Variants in C1QTNF3 observed in about 807,000 individuals in gnomAD.
C1QTNF3 encodes C1q and TNF related 3, also known as complement C1q tumor necrosis factor-related protein 3.
Under a neutral mutation model 32.6 loss-of-function variants are expected in C1QTNF3, and 26 were observed. The observed-to-expected ratio is 0.80, with a 90% CI of 0.58 to 1.11. C1QTNF3 has a LOEUF of 1.11. C1QTNF3 is among the 50% of genes least tolerant of loss of function. C1QTNF3 has a pLI of 0.00. For missense variants in C1QTNF3, 362 were observed against 398.2 expected, an observed-to-expected ratio of 0.91 and a Z score of 0.77; for synonymous variants, 155 against 146.0, an observed-to-expected ratio of 1.06 and a Z score of -0.44.
the C1QTNF3 span, among the ~76,000 whole-genome samples, chr5:34,048,595 GAAGAATTCTGGGAATATAGA>G: frequency 6.6e-6 from 1 of 151,388 alleles, no homozygotes; most frequent in African/African-American, 2.4e-5. Context: ...GGTACAATGA[GAAGAATTCTGGGAATATAGA>G]AAGAAGTTGA....
the C1QTNF3 span, among the ~76,000 whole-genome samples, chr5:34,121,909 C>T: frequency 9.9e-5 from 15 of 151,922 alleles, 1 homozygote; most frequent in Admixed American, 9.8e-4. Context: ...GAATTTATAG[C>T]AAAAAAACAG....
At chr5:34,229,713 T>C in the C1QTNF3 span, among the ~76,000 whole-genome samples, 2 of 152,198 alleles carry the variant, frequency 1.3e-5, no homozygotes, top group African/African-American at 4.8e-5. Flanking sequence ...GGAAAGGAAC[T>C]GTTATGAACT....
chr5:34,215,458 C>A, the C1QTNF3 span, among the ~76,000 whole-genome samples: 2 of 152,198 alleles, frequency 1.3e-5, no homozygotes, highest in East Asian at 3.9e-4. Flanking sequence ...AGGCCACAGG[C>A]CTGTGGTTCT....
chr5:34,118,237 G>A, the C1QTNF3 span, among the ~76,000 whole-genome samples: 6 of 152,038 alleles, frequency 3.9e-5, no homozygotes, highest in South Asian at 2.1e-4. Flanking sequence ...ACACCACCAC[G>A]CCTGTTAATT....
At chr5:34,081,240 T>G in the C1QTNF3 span, among the ~76,000 whole-genome samples, 2 of 151,702 alleles carry the variant, frequency 1.3e-5, no homozygotes, top group East Asian at 1.9e-4. Flanking sequence ...AAAAATGAAC[T>G]TCCAATAATG....
the C1QTNF3 span, among the ~76,000 whole-genome samples, chr5:34,133,455 G>T: frequency 6.6e-6 from 1 of 152,098 alleles, no homozygotes; most frequent in Non-Finnish European, 1.5e-5. Flanking sequence ...ACTTTGAAAG[G>T]TTACTTTAGA....
the C1QTNF3 span, among the ~76,000 whole-genome samples, chr5:34,232,215 C>T: frequency 2.6e-5 from 4 of 152,056 alleles, no homozygotes; most frequent in African/African-American, 9.7e-5. Context: ...GATCCCTGTA[C>T]CCCCACTGTA....
At chr5:34,244,476 G>A in the C1QTNF3 span, 1 of 152,222 alleles carries the variant, frequency 6.6e-6, no homozygotes, top group East Asian at 1.9e-4. Flanking sequence ...CTGATGATTG[G>A]TCCATTTCAT....
At chr5:34,195,839 C>CAAAAAAA in the C1QTNF3 span, among the ~76,000 whole-genome samples, 1 of 92,428 alleles carries the variant, frequency 1.1e-5, no homozygotes, top group African/African-American at 4.1e-5. Flanking sequence ...GACTCTGTCT[C>CAAAAAAA]AAAAAAAAAA....
At chr5:34,210,713 A>G in the C1QTNF3 span, among the ~76,000 whole-genome samples, 1 of 151,998 alleles carries the variant, frequency 6.6e-6, no homozygotes, top group Non-Finnish European at 1.5e-5. Context: ...TACAACAGAT[A>G]TTTTTACTTC....
the C1QTNF3 span, among the ~76,000 whole-genome samples, chr5:34,071,451 AAAC>A: frequency 3.9e-5 from 6 of 152,178 alleles, no homozygotes; most frequent in African/African-American, 1.4e-4. Context: ...TTATTTCCAT[AAAC>A]AACCTTGGAT....
chr5:34,215,640 G>A, the C1QTNF3 span, among the ~76,000 whole-genome samples: 2 of 152,076 alleles, frequency 1.3e-5, no homozygotes, highest in South Asian at 4.1e-4. Context: ...TACTTTTTGT[G>A]TTGTTTTGTT....
chr5:34,026,456 C>CAAAAAAAAAA (rs11335593), intron 4 of C1QTNF3, among the ~76,000 whole-genome samples: 3 of 92,702 alleles, frequency 3.2e-5, no homozygotes, highest in Non-Finnish European at 7.2e-5. Flanking sequence ...AATCTGCCAG[C>CAAAAAAAAAA]AAAAAAAAAA....
At chr5:34,100,541 A>G in the C1QTNF3 span, among the ~76,000 whole-genome samples, 1 of 151,916 alleles carries the variant, frequency 6.6e-6, no homozygotes, top group African/African-American at 2.4e-5. Flanking sequence ...TTGTGTAATA[A>G]CATAATTTAT....
At chr5:34,203,843 G>A in the C1QTNF3 span, among the ~76,000 whole-genome samples, 7 of 151,602 alleles carry the variant, frequency 4.6e-5, no homozygotes, top group Non-Finnish European at 8.8e-5. Flanking sequence ...TCCATGTAAT[G>A]GAGACTAAAA....
chr5:34,083,450 C>T, the C1QTNF3 span, among the ~76,000 whole-genome samples: 2 of 149,842 alleles, frequency 1.3e-5, no homozygotes, highest in Non-Finnish European at 2.9e-5. Flanking sequence ...CAGCTTAAAT[C>T]GAAAGCAAAA....
the C1QTNF3 span, among the ~76,000 whole-genome samples, chr5:34,203,578 T>A: frequency 6.6e-6 from 1 of 151,262 alleles, no homozygotes; most frequent in Non-Finnish European, 1.5e-5. Flanking sequence ...CCCATCTACT[T>A]GGGAGGCTGA....
chr5:34,166,898 T>C, the C1QTNF3 span: 2 of 152,118 alleles, frequency 1.3e-5, no homozygotes, highest in African/African-American at 2.4e-5. Flanking sequence ...ACAAGCATTA[T>C]AGGGAATAAT....
the C1QTNF3 span, among the ~76,000 whole-genome samples, chr5:34,223,225 T>A: frequency 1.4e-5 from 2 of 143,738 alleles, no homozygotes; most frequent in African/African-American, 5.1e-5. Flanking sequence ...TGTGTCCATG[T>A]GTTCTCATTG....
Sources: gnomAD v4.1 joint callset for allele counts (sites outside exome capture counted in the v4.1 genomes callset) on GRCh38, gnomAD v4.1.1 for gene constraint, MANE v1.5 for transcripts, NCBI Gene and HGNC (gene_info 2026-07-23, HGNC 2026-07-21) for gene names.